Variants in ADAMTSL1 observed in about 807,000 individuals in gnomAD.
ADAMTSL1 encodes ADAMTS like 1.
ADAMTSL1 carries 126 observed loss-of-function variants against 201.8 expected under a neutral mutation model. The ratio of observed to expected loss-of-function variants is 0.62; its 90% CI spans 0.54 to 0.72. ADAMTSL1 has a LOEUF of 0.72. Among genes scored for constraint, ADAMTSL1 ranks in the 30% least tolerant of loss-of-function variants. ADAMTSL1 has a pLI of 0.00. For synonymous variants in ADAMTSL1, 1,121 were observed against 903.4 expected (o/e 1.24, Z -4.32); for missense variants, 2,679 against 2,277.8 (o/e 1.18, Z -3.59).
At chr9:18,817,938 C>T (rs1189303415) in intron 21 of ADAMTSL1, among the ~76,000 whole-genome samples, 1 of 152,140 alleles carries the variant, frequency 6.6e-6, no homozygotes. Context: ...ACAGGCATTG[C>T]TCTCAGGTGG....
chr9:18,018,486 A>G (rs570566823), intron 1 of ADAMTSL1, among the ~76,000 whole-genome samples: 2 of 152,190 alleles, frequency 1.3e-5, no homozygotes, highest in South Asian at 4.1e-4. Flanking sequence ...TGGCTATGGA[A>G]TGTCACCAAG....
intron 2 of ADAMTSL1, among the ~76,000 whole-genome samples, chr9:18,385,020 C>T (rs143327142): frequency 6.6e-6 from 1 of 152,148 alleles, no homozygotes; most frequent in Admixed American, 6.6e-5. Context: ...TGAACTCCTC[C>T]TATAGTGCCA....
rs1052442598 is a variant in ADAMTSL1, at chr9:18,231,535, C to T, written c.207+67554C>T. On this transcript the variant is annotated intron_variant, in intron 2 of 29. Coordinates refer to the ADAMTSL1 transcript ENST00000680146. The stretch of plus-strand genomic sequence containing the variant: ...TTCCTTTGCCTGTTCCTCCTCATCT[C>T]CAGGGCTCACAACTTGAATTGTTTC... Among the ~76,000 whole-genome samples the T allele has an allele frequency of 2.0e-5, 3 of 152,160 alleles. No individual in the cohort carries two copies. The South Asian group carries it at 6.2e-4, about 32-fold the overall frequency.
At chr9:18,009,186 C>T (rs148134989) in intron 1 of ADAMTSL1, among the ~76,000 whole-genome samples, 73 of 152,130 alleles carry the variant, frequency 4.8e-4, no homozygotes, top group Middle Eastern at 3.4e-3. Context: ...CCCAATGTTG[C>T]ATTAATATTC....
chr9:18,190,517 T>C (rs555279349), intron 2 of ADAMTSL1, among the ~76,000 whole-genome samples: 1 of 152,294 alleles, frequency 6.6e-6, no homozygotes, highest in East Asian at 1.9e-4. Context: ...TTCAACCCGA[T>C]TTCAAGCCAG....
At chr9:18,226,686 T>G (rs1830442376) in intron 2 of ADAMTSL1, among the ~76,000 whole-genome samples, 1 of 152,130 alleles carries the variant, frequency 6.6e-6, no homozygotes, top group Non-Finnish European at 1.5e-5. Flanking sequence ...TTAACTGGTC[T>G]TTTCAGATTT....
At chr9:18,516,877 A>G (rs1025028577) in intron 2 of ADAMTSL1, among the ~76,000 whole-genome samples, 2 of 152,234 alleles carry the variant, frequency 1.3e-5, no homozygotes, top group African/African-American at 4.8e-5. Context: ...ACTGCTCTTC[A>G]TATAAATGGT....
At chr9:18,259,877 G>T (rs573376033) in intron 2 of ADAMTSL1, among the ~76,000 whole-genome samples, 1 of 152,232 alleles carries the variant, frequency 6.6e-6, no homozygotes, top group African/African-American at 2.4e-5. Flanking sequence ...ATTATATAAA[G>T]TTCACAATTA....
Position 18,710,177 on chromosome 9 carries a change from C to T in ADAMTSL1, c.1876+3129C>T, listed in dbSNP as rs776067599. ...GCGGCTCTGTCACTCCAGGTTCATG[C>T]TCCCCAGGCAACCCATTCCCACCTC... On this transcript the variant is annotated intron_variant, in intron 14 of 28. Transcript: ENST00000380548. Among the ~76,000 whole-genome samples the T allele has an allele frequency of 2.2e-4, 34 of 152,336 alleles. No homozygotes were observed. The Middle Eastern group carries it at 0.01, about 46-fold the overall frequency.
intron 1 of ADAMTSL1, among the ~76,000 whole-genome samples, chr9:18,122,191 T>A (rs1189782905): frequency 6.6e-6 from 1 of 152,144 alleles, no homozygotes; most frequent in African/African-American, 2.4e-5. Flanking sequence ...CCAAAAAATT[T>A]AAAACTATGT....
At chr9:18,400,869 A>G (rs1817959438) in intron 2 of ADAMTSL1, among the ~76,000 whole-genome samples, 1 of 152,174 alleles carries the variant, frequency 6.6e-6, no homozygotes, top group Non-Finnish European at 1.5e-5. Flanking sequence ...TAGTAGGAGT[A>G]TTTCATGAAG....
In ADAMTSL1 at chr9:18,878,119, C is replaced by A. The variant is rs375125861; in HGVS notation, c.4250-9712C>A. ...CCCGAAAGGCCAGTCTCACTCCCAC[C>A]ATGCCCCACCAATAGCACCAAGTTT... On this transcript the variant is annotated intron_variant, in intron 23 of 28. Coordinates refer to ENST00000380548, the MANE Select transcript of ADAMTSL1 (RefSeq NM_001040272.6). 2.0e-5 allele frequency among the ~76,000 whole-genome samples: 3 copies of A among 152,312 alleles called. No homozygotes were observed. The East Asian group carries it at 5.8e-4, about 29-fold the overall frequency.
intron 15 of ADAMTSL1, among the ~76,000 whole-genome samples, chr9:18,751,234 A>T (rs1403910875): frequency 5.3e-5 from 8 of 152,226 alleles, no homozygotes; most frequent in African/African-American, 1.9e-4. Flanking sequence ...TTACACAAGG[A>T]TCTAAAAGAA....
intron 3 of ADAMTSL1, among the ~76,000 whole-genome samples, chr9:18,535,029 C>G (rs901573852): frequency 4.6e-5 from 7 of 152,184 alleles, no homozygotes; most frequent in Non-Finnish European, 7.4e-5. Flanking sequence ...TAACATTCAT[C>G]TCCTCATTAC....
intron 1 of ADAMTSL1, among the ~76,000 whole-genome samples, chr9:18,093,840 G>C (rs1229865167): frequency 6.6e-6 from 1 of 152,196 alleles, no homozygotes; most frequent in African/African-American, 2.4e-5. Context: ...AAGCTTTGGA[G>C]AGGGGAAGTG....
In ADAMTSL1 at chr9:18,205,632, A is replaced by G. The variant is rs75701240; in HGVS notation, c.207+41651A>G. Among the ~76,000 whole-genome samples the G allele has an allele frequency of 1.2e-4, 19 of 152,228 alleles. No individual in the cohort carries two copies. The East Asian group carries it at 2.1e-3, about 17-fold the overall frequency. ...TAGGTCTCTCTGGTTCCAAAAACCT[A>G]TGCTCTTCCTGTACTTCATGATGTT... On this transcript the variant is annotated intron_variant, in intron 2 of 29. Transcript: ENST00000680146.
chr9:18,207,284 T>C (rs1829691264), intron 2 of ADAMTSL1, among the ~76,000 whole-genome samples: 1 of 152,104 alleles, frequency 6.6e-6, no homozygotes, highest in Non-Finnish European at 1.5e-5. Context: ...ACAAGAATAT[T>C]ATAATGGCAA....
intron 7 of ADAMTSL1, among the ~76,000 whole-genome samples, chr9:18,644,805 A>T (rs192605320): frequency 6.6e-6 from 1 of 151,340 alleles, no homozygotes; most frequent in Admixed American, 6.6e-5. Flanking sequence ...CATTTGGGTT[A>T]GTTCCAAGTC....
chr9:17,924,232 T>C (rs913567135), intron 1 of ADAMTSL1, among the ~76,000 whole-genome samples: 7 of 152,044 alleles, frequency 4.6e-5, no homozygotes, highest in African/African-American at 1.7e-4. Flanking sequence ...CTGGTAGAAT[T>C]AGGCTGTGAA....
Sources: gnomAD v4.1 joint callset for allele counts (sites outside exome capture counted in the v4.1 genomes callset) on GRCh38, gnomAD v4.1.1 for gene constraint, MANE v1.5 for transcripts, NCBI Gene and HGNC (gene_info 2026-07-23, HGNC 2026-07-21) for gene names.